The following KCNIP4 variants were observed in gnomAD, a reference collection of about 807,000 sequenced individuals.
KCNIP4 encodes the protein potassium voltage-gated channel interacting protein 4.
Under a neutral mutation model 34.0 loss-of-function variants are expected in KCNIP4, and 12 were observed. The ratio of observed to expected loss-of-function variants is 0.35; its 90% CI spans 0.23 to 0.57. The LOEUF (loss-of-function observed/expected upper bound fraction) is 0.57, where lower values mean the gene tolerates loss of function less well. KCNIP4 is among the 20% of genes least tolerant of loss of function. The probability of loss-of-function intolerance (pLI) is 0.83; values close to 1 mark genes in which losing one functional copy is unlikely to be tolerated. For synonymous variants in KCNIP4, 124 were observed against 102.2 expected (o/e 1.21, Z -1.29); for missense variants, 238 against 311.7 (o/e 0.76, Z 1.78).
At chr4:20,822,984 G>T (rs1293389162) in intron 3 of KCNIP4, among the ~76,000 whole-genome samples, 1 of 152,052 alleles carries the variant, frequency 6.6e-6, no homozygotes, top group Admixed American at 6.6e-5. Context: ...GCAGCAACAA[G>T]GTACCTTCTT....
At chr4:20,891,033 C>T (rs1056906978) in intron 1 of KCNIP4, among the ~76,000 whole-genome samples, 1 of 152,184 alleles carries the variant, frequency 6.6e-6, no homozygotes, top group African/African-American at 2.4e-5. Flanking sequence ...CAAGTACTGA[C>T]AGTGGCAATG....
At chr4:21,757,274 AAAG>A in intron 1 of KCNIP4, among the ~76,000 whole-genome samples, 1 of 85,126 alleles carries the variant, frequency 1.2e-5, no homozygotes, top group East Asian at 2.1e-4. Flanking sequence ...AAAGAAAAGA[AAAG>A]AAAAGAAAAG....
At chr4:21,665,511 ACC>A (rs11291297) in intron 1 of KCNIP4, among the ~76,000 whole-genome samples, 2,526 of 138,816 alleles carry the variant, frequency 0.018, 86 homozygotes, top group East Asian at 0.15. Context: ...ATCACAGGGC[ACC>A]CCCCCCCCCT....
At chr4:21,528,666 CATAAAAAACAAA>C (rs1736191121) in intron 1 of KCNIP4, among the ~76,000 whole-genome samples, 2 of 129,556 alleles carry the variant, frequency 1.5e-5, no homozygotes, top group African/African-American at 3.1e-5. Flanking sequence ...GACTCTGTCT[CATAAAAAACAAA>C]GAAAGAAAGA....
chr4:21,123,046 C>CAA (rs35776568), intron 1 of KCNIP4, among the ~76,000 whole-genome samples: 5 of 150,392 alleles, frequency 3.3e-5, no homozygotes, highest in Middle Eastern at 3.4e-3. Context: ...CCATCTCTAC[C>CAA]AAAAAAAAAT....
intron 1 of KCNIP4, among the ~76,000 whole-genome samples, chr4:21,172,127 A>C (rs2109299705): frequency 6.6e-6 from 1 of 152,236 alleles, no homozygotes; most frequent in South Asian, 2.1e-4. Context: ...TCCCGGGTTC[A>C]AGCAATTCTC....
At chr4:21,503,364 C>T (rs1234063678) in intron 1 of KCNIP4, among the ~76,000 whole-genome samples, 2 of 152,174 alleles carry the variant, frequency 1.3e-5, no homozygotes, top group Non-Finnish European at 2.9e-5. Context: ...AAGTACCTTA[C>T]ATAACCTGTA....
At chr4:20,786,934 C>T (rs528341594) in intron 3 of KCNIP4, among the ~76,000 whole-genome samples, 6 of 152,210 alleles carry the variant, frequency 3.9e-5, no homozygotes, top group African/African-American at 1.4e-4. Flanking sequence ...AAGTATCTCC[C>T]ATCTGCCAGA....
At chr4:21,081,189 C>A (rs548728115) in intron 1 of KCNIP4, among the ~76,000 whole-genome samples, 2 of 151,804 alleles carry the variant, frequency 1.3e-5, no homozygotes, top group Admixed American at 1.3e-4. Flanking sequence ...ACTTCTAGAG[C>A]CTCTCCAGTA....
At chr4:21,748,383 T>C (rs1716922277) in intron 1 of KCNIP4, among the ~76,000 whole-genome samples, 1 of 152,180 alleles carries the variant, frequency 6.6e-6, no homozygotes, top group Non-Finnish European at 1.5e-5. Flanking sequence ...AAGGAAATGG[T>C]ATACCTAATA....
chr4:21,233,052 G>A (rs1400008288), intron 1 of KCNIP4, among the ~76,000 whole-genome samples: 1 of 152,128 alleles, frequency 6.6e-6, no homozygotes, highest in African/African-American at 2.4e-5. Context: ...GACAATATGT[G>A]CAATAAAAGA....
chr4:21,921,907 T>C (rs1233373615), intron 1 of KCNIP4, among the ~76,000 whole-genome samples: 1 of 152,110 alleles, frequency 6.6e-6, no homozygotes, highest in East Asian at 1.9e-4. Context: ...CATAAAACCC[T>C]CCTCATAGTG....
intron 1 of KCNIP4, among the ~76,000 whole-genome samples, chr4:21,206,548 T>C (rs1309145390): frequency 6.6e-6 from 1 of 152,204 alleles, no homozygotes; most frequent in African/African-American, 2.4e-5. Context: ...GGCTTCTTGC[T>C]AAAGTGAGAA....
At chr4:20,760,662 ACTGGAGGTGCT>A (rs1415192051) in intron 3 of KCNIP4, among the ~76,000 whole-genome samples, 1 of 152,168 alleles carries the variant, frequency 6.6e-6, no homozygotes, top group African/African-American at 2.4e-5. Context: ...CAGAGGCAGA[ACTGGAGGTGCT>A]GAGTGGCAAA....
intron 1 of KCNIP4, among the ~76,000 whole-genome samples, chr4:21,277,520 C>T (rs1448583366): frequency 6.6e-6 from 1 of 152,120 alleles, no homozygotes; most frequent in Non-Finnish European, 1.5e-5. Context: ...TAATAAACAA[C>T]TCTCATAAAT....
chr4:21,450,449 C>A (rs535257018), intron 1 of KCNIP4, among the ~76,000 whole-genome samples: 21 of 152,074 alleles, frequency 1.4e-4, no homozygotes, highest in Admixed American at 4.6e-4. Flanking sequence ...TAAAGACAAT[C>A]CAGAATACTT....
intron 1 of KCNIP4, among the ~76,000 whole-genome samples, chr4:21,930,251 A>G (rs1729488734): frequency 6.6e-6 from 1 of 152,128 alleles, no homozygotes; most frequent in African/African-American, 2.4e-5. Flanking sequence ...TTATTCTGAT[A>G]CAGATTGTCT....
intron 1 of KCNIP4, among the ~76,000 whole-genome samples, chr4:21,924,654 C>A (rs775618860): frequency 3.6e-4 from 55 of 152,254 alleles, no homozygotes; most frequent in Middle Eastern, 3.4e-3. Context: ...TGGCTGTTGT[C>A]TCCATCAATT....
intron 2 of KCNIP4, among the ~76,000 whole-genome samples, chr4:20,880,440 G>T (rs969883430): frequency 6.6e-6 from 1 of 152,096 alleles, no homozygotes; most frequent in Non-Finnish European, 1.5e-5. Flanking sequence ...AATCCCATTA[G>T]TATTTAAAGT....
Sources: allele counts gnomAD v4.1 joint callset (sites outside exome capture counted in the v4.1 genomes callset), GRCh38; gene constraint gnomAD v4.1.1; transcripts MANE v1.5; gene names NCBI Gene and HGNC (gene_info 2026-07-23, HGNC 2026-07-21).